ZNF654: variants seen among roughly 807,000 people sequenced by gnomAD.
The protein encoded by ZNF654 is melanoma-associated antigen.
A neutral mutation model predicts 95.3 loss-of-function variants in ZNF654; 19 were observed. That is an observed-to-expected ratio of 0.20 (90% CI 0.14 to 0.29). The LOEUF is 0.29. Ranked by LOEUF, ZNF654 falls within the 10% of genes least tolerant of loss-of-function variation. The pLI is 1.00. For missense variants in ZNF654, 1,046 were observed against 1,341.0 expected (o/e 0.78, Z 3.44); for synonymous variants, 413 against 457.9 (o/e 0.90, Z 1.25).
At chr3:88,063,870 G>C (rs1455517060) in intron 1 of ZNF654, among the ~76,000 whole-genome samples, 1 of 152,086 alleles carries the variant, frequency 6.6e-6, no homozygotes, top group Admixed American at 6.6e-5. Flanking sequence ...GTAGTTGCTT[G>C]AGTCCCAACT....
At chr3:88,138,223 A>T (rs926789911) in intron 7 of ZNF654, among the ~76,000 whole-genome samples, 3 of 152,132 alleles carry the variant, frequency 2.0e-5, no homozygotes, top group African/African-American at 7.2e-5. Flanking sequence ...AAAATAAGTA[A>T]TATTTTTTCA....
At chr3:88,117,543 G>T (rs1705485599) in intron 3 of ZNF654, among the ~76,000 whole-genome samples, 1 of 152,108 alleles carries the variant, frequency 6.6e-6, no homozygotes, top group Non-Finnish European at 1.5e-5. Flanking sequence ...AAAGTAGTAT[G>T]CCAGGTGATC....
At chr3:88,119,493 T>C (rs1321090884) in intron 3 of ZNF654, among the ~76,000 whole-genome samples, 2 of 150,128 alleles carry the variant, frequency 1.3e-5, no homozygotes, top group Non-Finnish European at 3.0e-5. Context: ...TATACATATG[T>C]AACTAACCTG....
At chr3:88,119,897 CG>C (rs1705667011) in intron 3 of ZNF654, among the ~76,000 whole-genome samples, 1 of 151,954 alleles carries the variant, frequency 6.6e-6, no homozygotes, top group South Asian at 2.1e-4. Context: ...ATGGTTTTAC[CG>C]TAGTTATGAT....
chr3:88,061,791 G>C (rs1219044122), intron 1 of ZNF654, among the ~76,000 whole-genome samples: 1 of 152,140 alleles, frequency 6.6e-6, no homozygotes, highest in Non-Finnish European at 1.5e-5. Context: ...CTAATATTAA[G>C]TATAATAATT....
At chr3:88,064,082 T>C (rs1291278557) in intron 1 of ZNF654, among the ~76,000 whole-genome samples, 1 of 150,412 alleles carries the variant, frequency 6.6e-6, no homozygotes, top group East Asian at 2.0e-4. Context: ...AAAACAAGAA[T>C]GGATATTATT....
intron 3 of ZNF654, among the ~76,000 whole-genome samples, chr3:88,115,651 T>C (rs1705345004): frequency 6.6e-6 from 1 of 152,208 alleles, no homozygotes; most frequent in Admixed American, 6.5e-5. Flanking sequence ...TTTTTAACTC[T>C]TCTTACCTAT....
chr3:88,073,756 TAAA>T (rs34990621), intron 1 of ZNF654, among the ~76,000 whole-genome samples: 1 of 152,122 alleles, frequency 6.6e-6, no homozygotes, highest in Non-Finnish European at 1.5e-5. Context: ...GCATTCTTCT[TAAA>T]AAAAGGAAGA....
chr3:88,130,788 A>G (rs1009833170), intron 6 of ZNF654, among the ~76,000 whole-genome samples: 5 of 151,880 alleles, frequency 3.3e-5, no homozygotes, highest in Admixed American at 1.3e-4. Flanking sequence ...AAAATCTTCA[A>G]ACTCAGAGAT....
intron 2 of ZNF654, among the ~76,000 whole-genome samples, chr3:88,100,918 CCTG>C (rs1704382900): frequency 6.6e-6 from 1 of 152,120 alleles, no homozygotes; most frequent in African/African-American, 2.4e-5. Context: ...ATGTAACAAA[CCTG>C]CACGTTGTGC....
chr3:88,076,246 T>C (rs903214915), intron 1 of ZNF654, among the ~76,000 whole-genome samples: 1 of 152,238 alleles, frequency 6.6e-6, no homozygotes, highest in Non-Finnish European at 1.5e-5. Flanking sequence ...TTTTGCCATA[T>C]TGCCATAGTT....
intron 1 of ZNF654, among the ~76,000 whole-genome samples, chr3:88,073,061 A>G (rs749783958): frequency 1.3e-5 from 2 of 152,216 alleles, no homozygotes; most frequent in African/African-American, 2.4e-5. Flanking sequence ...GAAAAGATGG[A>G]TGGCATGGCA....
chr3:88,115,991 GA>G (rs1013186197), intron 3 of ZNF654, among the ~76,000 whole-genome samples: 5 of 152,288 alleles, frequency 3.3e-5, no homozygotes, highest in Non-Finnish European at 7.4e-5. Context: ...ATGAAACAGG[GA>G]AATGTGTGAG....
At chr3:88,103,866 A>C (rs1440333780) in intron 2 of ZNF654, among the ~76,000 whole-genome samples, 1 of 149,038 alleles carries the variant, frequency 6.7e-6, no homozygotes, top group Non-Finnish European at 1.5e-5. Context: ...TCTCGGGGTC[A>C]AGCGATTCTT....
At chr3:88,138,000 T>G (rs1029937808) in intron 7 of ZNF654, among the ~76,000 whole-genome samples, 3 of 152,108 alleles carry the variant, frequency 2.0e-5, no homozygotes. Context: ...ATAACTAAGA[T>G]GGGTCGACAA....
rs34753092 is a variant in ZNF654 at position 88,064,109 on chromosome 3, CT to C, written c.186+4618del. ...GATATTATTGAATAACGAGCTTCTT[CT>C]TTTTTTTTTTTTTGCCACAGCTTAT... On this transcript the variant is annotated intron_variant, in intron 1 of 8. Coordinates refer to ENST00000636215, the MANE Select transcript of ZNF654 (RefSeq NM_001350134.2). Among the ~76,000 whole-genome samples, 182 of 147,762 alleles carry C rather than the reference CT, an allele frequency of 1.2e-3. 2 individuals are homozygous for C. Among genetic ancestry groups the C allele is most frequent in the Non-Finnish European group, 1.3e-3 (85 of 66,966 alleles).
rs189467984 is a variant in ZNF654, at chr3:88,141,546, C to T, written c.3380-99C>T. 2.3e-3 allele frequency: 1,951 copies of T among 843,348 alleles called. 10 individuals are homozygous for T. Among genetic ancestry groups the T allele is most frequent in the Non-Finnish European group, 3.2e-3 (1,846 of 571,958 alleles). 52.2% of individuals were successfully genotyped at this position (843,348 alleles called of 1,614,324 possible). ...CTTGTCTGTCTACTAATATCAATAT[C>T]CTTTAAAATGACAGGGTATAAATTA... is the stretch of plus-strand genomic sequence containing the variant. On this transcript the variant is annotated intron_variant, in intron 8 of 8. Transcript: ENST00000636215.
intron 4 of ZNF654, among the ~76,000 whole-genome samples, chr3:88,128,196 TTA>T (rs1706233119): frequency 6.6e-6 from 1 of 152,128 alleles, no homozygotes; most frequent in South Asian, 2.1e-4. Flanking sequence ...CTAATGGTGT[TTA>T]TATATTTTAA....
intron 3 of ZNF654, among the ~76,000 whole-genome samples, chr3:88,123,011 CAAA>C (rs1289535548): frequency 1.3e-5 from 1 of 76,094 alleles, no homozygotes. Context: ...CTCTGAGTCT[CAAA>C]AAAAAAAAAA....
Sources: gnomAD v4.1 joint callset for allele counts (sites outside exome capture counted in the v4.1 genomes callset) on GRCh38, gnomAD v4.1.1 for gene constraint, MANE v1.5 for transcripts, NCBI Gene and HGNC (gene_info 2026-07-23, HGNC 2026-07-21) for gene names.